The following PCDH11X variants were observed in gnomAD, a reference collection of about 807,000 sequenced individuals.
PCDH11X encodes the protein protocadherin 11 X-linked.
A neutral mutation model predicts 53.3 loss-of-function variants in PCDH11X; 18 were observed. That is an observed-to-expected ratio of 0.34 (90% confidence interval 0.23 to 0.50). The LOEUF (loss-of-function observed/expected upper bound fraction) is 0.50, where lower values mean the gene tolerates loss of function less well. Ranked by LOEUF, PCDH11X falls within the 20% of genes least tolerant of loss-of-function variation. PCDH11X has a pLI of 0.98. For synonymous variants in PCDH11X, 279 were observed against 393.3 expected (o/e 0.71, Z 3.44); for missense variants, 570 against 1,032.4 (o/e 0.55, Z 6.14).
At chrX:91,852,008 C>CTT (rs59675485) in intron 5 of PCDH11X, among the ~76,000 whole-genome samples, 1,508 of 94,263 alleles carry the variant, frequency 0.016, 33 homozygotes, top group African/African-American at 0.044. Context: ...ATTAGGAATT[C>CTT]TTTTTTTTTT....
chrX:91,803,944 T>C (rs1569386645), intron 1 of PCDH11X, among the ~76,000 whole-genome samples: 1 of 110,911 alleles, frequency 9.0e-6, no homozygotes, highest in Non-Finnish European at 1.9e-5. Context: ...GGAATCCAAA[T>C]AGCCTGAGTA....
intron 6 of PCDH11X, among the ~76,000 whole-genome samples, chrX:91,948,782 G>A (rs2061605331): frequency 9.1e-6 from 1 of 110,063 alleles, no homozygotes; most frequent in East Asian, 2.9e-4. Flanking sequence ...GCAGCATGGG[G>A]TCAGTGGATA....
At chrX:92,515,370 C>T in intron 10 of PCDH11X, 1 of 182,291 alleles carries the variant, frequency 5.5e-6, no homozygotes, top group Non-Finnish European at 1.0e-5. Context: ...GTGAAGCGGC[C>T]CCAGCCGCCC....
chrX:91,883,816 A>G (rs1432301531), intron 6 of PCDH11X: 1 of 746,148 alleles, frequency 1.3e-6, no homozygotes, highest in Admixed American at 9.0e-5. Context: ...AAAAGAAAAA[A>G]ATGTTCAATG....
intron 10 of PCDH11X, among the ~76,000 whole-genome samples, chrX:92,570,792 C>G (rs1216999415): frequency 9.7e-6 from 1 of 102,593 alleles, no homozygotes; most frequent in Non-Finnish European, 2.0e-5. Flanking sequence ...TCTATCTTCT[C>G]AAGTCCAATT....
chrX:92,284,301 T>A (rs1603254083), intron 8 of PCDH11X, among the ~76,000 whole-genome samples: 1 of 109,322 alleles, frequency 9.1e-6, no homozygotes, highest in East Asian at 2.9e-4. Context: ...GCTTCCTAAT[T>A]GCATTATTAC....
chrX:92,520,384 T>C (rs1245757289), intron 10 of PCDH11X, among the ~76,000 whole-genome samples: 1 of 106,664 alleles, frequency 9.4e-6, no homozygotes, highest in African/African-American at 3.4e-5. Context: ...CTTCAGGGGA[T>C]AGTAATCTTG....
rs141770046 is a variant in PCDH11X at position 92,428,315 on chromosome X, G to C, written c.3344-39984G>C. ...TTGCCTTCTGTTTTCCTTGCTGTGT[G>C]TTATTCTCTCTTCCGTCCCACCAAG... On this transcript the variant is annotated intron_variant, in intron 9 of 10. Transcript: ENST00000682573. Among the ~76,000 whole-genome samples the C allele has an allele frequency of 4.1e-3, 454 of 111,491 alleles. 3 individuals carry two copies. The highest frequency in any genetic ancestry group is 0.014 in the African/African-American group (437 of 30,785).
chrX:92,535,508 C>G (rs1233501319), intron 10 of PCDH11X, among the ~76,000 whole-genome samples: 5 of 110,503 alleles, frequency 4.5e-5, no homozygotes, highest in Non-Finnish European at 9.4e-5. Context: ...AAAACAGACA[C>G]CGGGGCATAT....
chrX:92,232,999 G>GCCACCGCGCCCGGCCTGCCCTAAA (rs1030350247), intron 7 of PCDH11X, among the ~76,000 whole-genome samples: 5 of 111,949 alleles, frequency 4.5e-5, no homozygotes, highest in Non-Finnish European at 7.5e-5. Flanking sequence ...ACAGGCGTGA[G>GCCACCGCGCCCGGCCTGCCCTAAA]CCACCGCGCC....
intron 6 of PCDH11X, among the ~76,000 whole-genome samples, chrX:92,087,243 C>A (rs2063970860): frequency 9.2e-6 from 1 of 108,873 alleles, no homozygotes; most frequent in Non-Finnish European, 1.9e-5. Flanking sequence ...TACAGGCAGG[C>A]ACCACCACGC....
At chrX:92,266,783 A>G in intron 8 of PCDH11X, among the ~76,000 whole-genome samples, 1 of 107,288 alleles carries the variant, frequency 9.3e-6, no homozygotes, top group Non-Finnish European at 1.9e-5. Flanking sequence ...CTTGCTCTTG[A>G]CCCCAGGCTG....
At chrX:91,963,262 T>C (rs1243660732) in intron 6 of PCDH11X, among the ~76,000 whole-genome samples, 31 of 111,147 alleles carry the variant, frequency 2.8e-4, no homozygotes, top group Non-Finnish European at 5.3e-4. Flanking sequence ...TGTGAATACA[T>C]AAAACTTAAT....
intron 10 of PCDH11X, among the ~76,000 whole-genome samples, chrX:92,486,452 T>A (rs914836710): frequency 1.8e-5 from 2 of 111,609 alleles, no homozygotes; most frequent in Admixed American, 1.9e-4. Context: ...TCAATATATA[T>A]TGGTTTCTCA....
At chrX:92,605,540 T>C (rs1296755709) in intron 10 of PCDH11X, among the ~76,000 whole-genome samples, 1 of 111,955 alleles carries the variant, frequency 8.9e-6, no homozygotes, top group Non-Finnish European at 1.9e-5. Context: ...AGTAGAATTA[T>C]CTCTATTTGA....
chrX:91,960,962 AC>A (rs2061779969), intron 6 of PCDH11X, among the ~76,000 whole-genome samples: 1 of 102,415 alleles, frequency 9.8e-6, no homozygotes, highest in African/African-American at 3.6e-5. Flanking sequence ...CTGTTTTTAT[AC>A]CAGCACCATA....
intron 9 of PCDH11X, among the ~76,000 whole-genome samples, chrX:92,396,710 G>A (rs1231430240): frequency 9.7e-6 from 1 of 103,194 alleles, no homozygotes; most frequent in Admixed American, 1.1e-4. Flanking sequence ...GGGCATGATG[G>A]TGGGTGCCTG....
chrX:91,913,147 A>G (rs1224028601), intron 6 of PCDH11X, among the ~76,000 whole-genome samples: 1 of 110,889 alleles, frequency 9.0e-6, no homozygotes, highest in Non-Finnish European at 1.9e-5. Context: ...TTATGGGGTG[A>G]AGGAGGCTCC....
intron 9 of PCDH11X, among the ~76,000 whole-genome samples, chrX:92,395,911 A>C (rs1172289363): frequency 9.3e-6 from 1 of 107,230 alleles, no homozygotes; most frequent in Non-Finnish European, 1.9e-5. Context: ...CAATATATCC[A>C]AATGGAGAAC....
Sources: gnomAD v4.1 joint callset for allele counts (sites outside exome capture counted in the v4.1 genomes callset) on GRCh38, gnomAD v4.1.1 for gene constraint, MANE v1.5 for transcripts, NCBI Gene and HGNC (gene_info 2026-07-23, HGNC 2026-07-21) for gene names.